The following DCTN2 variants were observed in gnomAD, a reference collection of about 807,000 sequenced individuals.
DCTN2 encodes dynactin subunit 2, also known as 50 kDa dynein-associated polypeptide.
DCTN2 carries 18 observed loss-of-function variants against 55.4 expected under a neutral mutation model. That is an observed-to-expected ratio of 0.32 (90% CI 0.22 to 0.48). The LOEUF (loss-of-function observed/expected upper bound fraction) is 0.48, where lower values mean the gene tolerates loss of function less well. Among genes scored for constraint, DCTN2 ranks in the 20% least tolerant of loss-of-function variants. The probability of loss-of-function intolerance (pLI) is 0.99; values close to 1 mark genes in which losing one functional copy is unlikely to be tolerated. For missense variants in DCTN2, 390 were observed against 491.0 expected (o/e 0.79, Z 1.94); for synonymous variants, 168 against 185.2 (o/e 0.91, Z 0.76).
intron 2 of DCTN2, among the ~76,000 whole-genome samples, chr12:57,537,193 GTA>G (rs1484431524): frequency 6.6e-6 from 1 of 151,306 alleles, no homozygotes; most frequent in African/African-American, 2.4e-5. Flanking sequence ...AAATAGCTGG[GTA>G]TTGTGGCACG....
At position 57,546,114 on chromosome 12, in the gene DCTN2, G is replaced by A; in HGVS notation, c.37-18C>T. Reference sequence around the variant, plus strand: ...TTCCTGGCCTGCAGGTAGAAGCAGTGACCACCCAACCTCACTACCCAGCAT... The same window carrying A: ...TTCCTGGCCTGCAGGTAGAAGCAGTAACCACCCAACCTCACTACCCAGCAT... On this transcript the variant is annotated intron_variant, in intron 1 of 13. Transcript: ENST00000548249. The A allele has an allele frequency of 1.9e-6, 3 of 1,613,376 alleles. No individual in the cohort carries two copies. The highest frequency in any genetic ancestry group is 1.6e-4 in the Middle Eastern group (1 of 6,062).
chr12:57,536,248 T>C (rs1160979398), intron 2 of DCTN2, among the ~76,000 whole-genome samples: 1 of 152,224 alleles, frequency 6.6e-6, no homozygotes, highest in Non-Finnish European at 1.5e-5. Context: ...TCCATTTTAA[T>C]GCTAACCTCC....
rs1325669621 is a variant in DCTN2, at chr12:57,530,166, A to G, written c.*523T>C. 6.6e-6 allele frequency: 1 copy of G among 152,472 alleles called. No individual in the cohort carries two copies. The highest frequency in any genetic ancestry group is 1.5e-5 in the Non-Finnish European group (1 of 68,106). 9.4% of individuals were successfully genotyped at this position (152,472 alleles called of 1,614,324 possible). A position where few individuals can be genotyped will look rare whatever the true frequency, so the allele number is the denominator to read the frequency against. ...AAACTCTGGCTCTGGCTCTGTACTC[A>G]TTTTTTATTTAGTTCTTTGGTAAGA... On this transcript the variant is annotated 3_prime_UTR_variant, in exon 14 of 14. Coordinates refer to ENST00000548249, the MANE Select transcript of DCTN2 (RefSeq NM_001261413.2).
intron 5 of DCTN2, chr12:57,534,844 TTTTTTA>T: frequency 2.2e-6 from 1 of 460,932 alleles, no homozygotes; most frequent in South Asian, 2.6e-5. Flanking sequence ...GTTTTTGTAT[TTTTTTA>T]GTACAGATGG....
In DCTN2 at chr12:57,541,875, C is replaced by A. The variant is rs551728779; in HGVS notation, c.105+4153G>T. Among the ~76,000 whole-genome samples, 11 of 152,334 alleles carry A rather than the reference C, an allele frequency of 7.2e-5. No homozygotes were observed. The South Asian group carries it at 2.3e-3, about 32-fold the overall frequency. ...GGGAGTGTCTGAAGTGCAAAGAGAT[C>A]TTCCCAGATTGAGGAGGAAAGGGCT... On this transcript the variant is annotated intron_variant, in intron 2 of 13. Coordinates refer to ENST00000548249, the MANE Select transcript of DCTN2 (RefSeq NM_001261413.2).
chr12:57,530,877 A>G (rs1380071811), intron 13 of DCTN2, 102 bp from the exon 14 acceptor site: 3 of 1,046,674 alleles, frequency 2.9e-6, no homozygotes, highest in Non-Finnish European at 4.4e-6. Context: ...AAATGGAAGC[A>G]CAATTTGTGG....
At chr12:57,545,944 T>C (rs964812641) in intron 2 of DCTN2, 84 bp downstream of exon 2, 30 of 1,442,220 alleles carry the variant, frequency 2.1e-5, no homozygotes, top group Admixed American at 5.3e-5. Context: ...CGCTTATTGC[T>C]GTAGCTCCCC....
intron 7 of DCTN2, 49 bp downstream of exon 7, chr12:57,533,904 G>A: frequency 1.3e-6 from 2 of 1,525,878 alleles, no homozygotes; most frequent in African/African-American, 1.4e-5. Flanking sequence ...AAAATCTCTA[G>A]GGTCACATCT....
chr12:57,532,470 T>A, intron 11 of DCTN2, 102 bp downstream of exon 11: 1 of 1,398,250 alleles, frequency 7.2e-7, no homozygotes, highest in Non-Finnish European at 1.0e-6. Context: ...TAAGAGCTTA[T>A]GAAGATGGGG....
intron 2 of DCTN2, 41 bp from the exon 3 acceptor site, chr12:57,535,886 C>A (rs745950617): frequency 1.3e-6 from 2 of 1,497,320 alleles, no homozygotes; most frequent in Non-Finnish European, 1.8e-6. Flanking sequence ...ACACTCATTC[C>A]CACTCTAGAA....
intron 7 of DCTN2, 101 bp downstream of exon 7, chr12:57,533,852 A>C (rs1879978004): frequency 8.0e-7 from 1 of 1,255,726 alleles, no homozygotes; most frequent in Non-Finnish European, 1.1e-6. Flanking sequence ...AATCAGAGGA[A>C]TCAGAAGCCT....
intron 7 of DCTN2, 80 bp from the exon 8 acceptor site, chr12:57,533,383 G>T: frequency 7.8e-7 from 1 of 1,283,494 alleles, no homozygotes; most frequent in Non-Finnish European, 1.1e-6. Context: ...GCTCTACTCT[G>T]CCTGCCACTC....
intron 13 of DCTN2, among the ~76,000 whole-genome samples, chr12:57,531,250 A>G (rs1054462641): frequency 6.6e-6 from 1 of 152,164 alleles, no homozygotes; most frequent in African/African-American, 2.4e-5. Flanking sequence ...GGCCAGGTGC[A>G]GTGGCTCACG....
intron 2 of DCTN2, among the ~76,000 whole-genome samples, chr12:57,540,701 T>G (rs553551102): frequency 6.6e-6 from 1 of 152,212 alleles, no homozygotes; most frequent in Non-Finnish European, 1.5e-5. Context: ...ACAAGGAAGA[T>G]GGACAGAGCT....
In DCTN2 at chr12:57,535,123, G is replaced by T. The variant is rs2065377315; in HGVS notation, c.296C>A (p.Pro99His). 6.2e-7 allele frequency: 1 copy of T among 1,613,614 alleles called. No individual in the cohort carries two copies. The highest frequency in any genetic ancestry group is 8.5e-7 in the Non-Finnish European group (1 of 1,179,854). Residue 99 changes from proline (P) to histidine (H), a missense_variant, in exon 5 of 14, where the codon CCC becomes CAC. Physicochemically the swap from Pro to His is moderately conservative, Grantham distance 77 (BLOSUM62 -2). This residue lies in a region of DCTN2 where 117 missense variants were observed against 187.8 expected (regional missense o/e 0.62). Coordinates refer to ENST00000548249, the MANE Select transcript of DCTN2 (RefSeq NM_001261413.2). ...CAGTAGGCGCTGGTACTTTTGCTGG[G>T]GTGTCTCCTTCACTCCCAGACCCTC... Reference protein sequence around the residue: ...LGEGLGVKETPQQKYQRLLHE... With the variant: ...LGEGLGVKETHQQKYQRLLHE...
At chr12:57,538,748 A>G (rs1880454682) in intron 2 of DCTN2, among the ~76,000 whole-genome samples, 1 of 152,220 alleles carries the variant, frequency 6.6e-6, no homozygotes, top group Non-Finnish European at 1.5e-5. Context: ...CCCAAGAGAA[A>G]GAAGAGCATG....
At chr12:57,537,040 G>C (rs2140126426) in intron 2 of DCTN2, among the ~76,000 whole-genome samples, 1 of 149,968 alleles carries the variant, frequency 6.7e-6, no homozygotes, top group East Asian at 2.0e-4. Flanking sequence ...AAGCCTGTCT[G>C]TAGTCCCAGC....
chr12:57,534,423 C>G lies in DCTN2; in HGVS notation c.393G>C (p.Glu131Asp). 1 of 1,609,442 alleles carries G rather than the reference C, an allele frequency of 6.2e-7. No homozygotes were observed. The highest frequency in any genetic ancestry group is 8.5e-7 in the Non-Finnish European group (1 of 1,177,182). ...TAGCCAGCAACACAGGGGTCAGCTTCTCCTCTGTGGCTGACTCCTTCACTG... is the reference window on the plus strand; with the variant it reads ...TAGCCAGCAACACAGGGGTCAGCTTGTCCTCTGTGGCTGACTCCTTCACTG... Reference protein sequence around the residue: ...KTTVKESATEEKLTPVLLAKQ... With the variant: ...KTTVKESATEDKLTPVLLAKQ... The change falls in exon 6 of 14, where the codon GAG becomes GAC. Residue 131 changes from glutamate (E) to aspartate (D), a missense_variant. Physicochemically the swap from Glu to Asp is conservative, Grantham distance 45. This residue lies in a region of DCTN2 where 117 missense variants were observed against 187.8 expected (regional missense o/e 0.62). Coordinates refer to ENST00000548249, the MANE Select transcript of DCTN2 (RefSeq NM_001261413.2).
chr12:57,532,332 G>C lies in DCTN2; in HGVS notation c.925-17C>G, dbSNP rs1285119827. The C allele has an allele frequency of 6.4e-7, 1 of 1,552,416 alleles. No individual in the cohort carries two copies. Among genetic ancestry groups the C allele is most frequent in the East Asian group, 2.4e-5 (1 of 41,278 alleles). On this transcript the variant is annotated splice_polypyrimidine_tract_variant and intron_variant, in intron 11 of 13. Transcript: ENST00000548249. ...CTGGTGCACCTGAAGGGACACAATG[G>C]GGCCCAGAGGGGATGGCTGAGGCAG...
Sources: allele counts gnomAD v4.1 joint callset (sites outside exome capture counted in the v4.1 genomes callset), GRCh38; gene constraint gnomAD v4.1.1; regional missense constraint gnomAD v4.1.1; transcripts MANE v1.5; gene names NCBI Gene and HGNC (gene_info 2026-07-23, HGNC 2026-07-21).